Variants in CD180 observed in about 807,000 individuals in gnomAD.
The protein encoded by CD180 is CD180 molecule.
A neutral mutation model predicts 10.7 loss-of-function variants in CD180; 11 were observed. The observed-to-expected ratio is 1.03, with a 90% CI of 0.65 to 1.70. The LOEUF (loss-of-function observed/expected upper bound fraction) is 1.70, where lower values mean the gene tolerates loss of function less well. Among genes scored for constraint, CD180 ranks in the 40% most tolerant of loss-of-function variants. The pLI, the probability that CD180 is intolerant of heterozygous loss-of-function variation, is 0.00. For synonymous variants in CD180, 286 were observed against 294.6 expected, an observed-to-expected ratio of 0.97 and a Z score of 0.30; for missense variants, 729 against 775.2, an observed-to-expected ratio of 0.94 and a Z score of 0.71.
rs754130232 is a variant in CD180 at position 67,185,955 on chromosome 5, T to G, written c.153A>C (p.Leu51=). The G allele has an allele frequency of 6.2e-7, 1 of 1,611,666 alleles. No homozygotes were observed. Among genetic ancestry groups the G allele is most frequent in the East Asian group, 2.2e-5 (1 of 44,734 alleles). Residue 51 remains leucine (L), a synonymous_variant, in exon 2 of 3, where the codon CTA becomes CTC. Transcript: ENST00000256447. ...ATTCCAAAAATTCTGTTGTGTTTGG[T>G]AGAGTGTCAGGGATTTCACTGAGAC... ...NLGLSEIPDT[L]PNTTEFLEFS... is the part of the protein sequence containing the mutation.
At chr5:67,192,710 C>A (rs1176492792) in intron 1 of CD180, among the ~76,000 whole-genome samples, 5 of 152,108 alleles carry the variant, frequency 3.3e-5, no homozygotes, top group African/African-American at 9.7e-5. Context: ...CGCCTCCCAC[C>A]AGGCCCTACC....
At position 67,184,222 on chromosome 5, in the gene CD180, A is replaced by G. The variant is rs1742132768; in HGVS notation, c.621T>C (p.Asn207=). The G allele has an allele frequency of 6.2e-7, 1 of 1,614,048 alleles. No homozygotes were observed. The highest frequency in any genetic ancestry group is 1.1e-5 in the South Asian group (1 of 91,088). ...GCTCAATACCTTTAACATTATTGCC[A>G]TTGAAGTTCAGGCTTAGGTTGATGG... ...EQAINLSLNF[N]GNNVKGIELG... Residue 207 remains asparagine, a synonymous_variant, in exon 3 of 3, where the codon AAT becomes AAC. Transcript: ENST00000256447.
intron 1 of CD180, among the ~76,000 whole-genome samples, chr5:67,193,994 C>T (rs1456951814): frequency 1.3e-5 from 2 of 152,186 alleles, no homozygotes; most frequent in African/African-American, 4.8e-5. Flanking sequence ...ACCCACTTGT[C>T]ATGCCTCCCA....
In CD180 at chr5:67,184,051, A is replaced by G. The variant is rs202242410; in HGVS notation, c.792T>C (p.Ser264=). 22 of 1,614,200 alleles carry G rather than the reference A, an allele frequency of 1.4e-5. No individual in the cohort carries two copies. In the Admixed American group the frequency reaches 3.5e-4, roughly 26 times the overall value. ...CACAGAGTCCCTTGAGCATGGCTGA[A>G]CTAATATCTTCGTCATCAATGTCCT... ...TFEDIDDEDI[S]SAMLKGLCEM... The change falls in exon 3 of 3, where the codon AGT becomes AGC. Residue 264 remains serine (S), a synonymous_variant. Coordinates refer to ENST00000256447, the MANE Select transcript of CD180 (RefSeq NM_005582.3).
In CD180 at chr5:67,184,135, A is replaced by C. The variant is rs372806029; in HGVS notation, c.708T>G (p.Ser236=). Residue 236 remains serine, a synonymous_variant, in exon 3 of 3, where the codon TCT becomes TCG. Coordinates refer to ENST00000256447, the MANE Select transcript of CD180 (RefSeq NM_005582.3). ...AGTTCTGCAGACCATTGAATATAACAGACAAATTTGGAGTTCCTCCAAAGT... is the reference window on the plus strand; with the variant it reads ...AGTTCTGCAGACCATTGAATATAACCGACAAATTTGGAGTTCCTCCAAAGT... ...SLNFGGTPNL[S]VIFNGLQNST... is the part of the protein sequence containing the mutation. 58 of 1,614,056 alleles carry C rather than the reference A, an allele frequency of 3.6e-5. No homozygotes were observed. Among genetic ancestry groups the C allele is most frequent in the Non-Finnish European group, 4.7e-5 (55 of 1,180,016 alleles).
At chr5:67,184,622 G>GA (rs745812697) in intron 2 of CD180, 37 bp from the exon 3 acceptor site, 15 of 1,514,778 alleles carry the variant, frequency 9.9e-6, no homozygotes, top group Non-Finnish European at 1.3e-5. Context: ...TAATTCATTT[G>GA]AAAAAAGTAA....
intron 1 of CD180, among the ~76,000 whole-genome samples, chr5:67,191,292 A>C (rs1055537476): frequency 2.0e-5 from 3 of 152,206 alleles, no homozygotes; most frequent in South Asian, 4.1e-4. Context: ...ATGTAGATTG[A>C]AGTTAGGAAC....
chr5:67,189,652 T>C (rs899976738), intron 1 of CD180, among the ~76,000 whole-genome samples: 1 of 152,170 alleles, frequency 6.6e-6, no homozygotes, highest in African/African-American at 2.4e-5. Context: ...ATAATCACAA[T>C]TGTATCATCA....
In CD180 at chr5:67,183,428, C is replaced by T. The variant is rs145898895; in HGVS notation, c.1415G>A (p.Arg472Gln). 315 of 1,613,970 alleles carry T rather than the reference C, an allele frequency of 2.0e-4. No homozygotes were observed. In the African/African-American group the frequency reaches 2.2e-3, roughly 11 times the overall value. The change falls in exon 3 of 3, where the codon CGG becomes CAG. Residue 472 changes from arginine (R) to glutamine (Q), a missense_variant. By Grantham distance (43) the Arg-to-Gln change is conservative. Coordinates refer to ENST00000256447, the MANE Select transcript of CD180 (RefSeq NM_005582.3). ...GTGATTCCCTTTTAAGTTGAGATGC[C>T]GGAGAACTGGTAGGCCTGCTAGAAG... ...QHLLAGLPVL[R>Q]HLNLKGNHFQ...
intron 1 of CD180, 34 bp from the exon 2 acceptor site, chr5:67,186,051 CTT>C (rs1581825792): frequency 7.3e-7 from 1 of 1,371,294 alleles, no homozygotes; most frequent in Non-Finnish European, 9.9e-7. Flanking sequence ...TAATATTAGA[CTT>C]AATAATTTTA....
At chr5:67,189,266 C>T (rs1309440739) in intron 1 of CD180, among the ~76,000 whole-genome samples, 1 of 152,180 alleles carries the variant, frequency 6.6e-6, no homozygotes, top group Non-Finnish European at 1.5e-5. Flanking sequence ...CTTTTGTGTG[C>T]TTTACTAAGC....
Position 67,182,172 on chromosome 5 carries a change from G to C in CD180, c.*685C>G, listed in dbSNP as rs764777524. On this transcript the variant is annotated 3_prime_UTR_variant, in exon 3 of 3. Transcript: ENST00000256447. ...AATGTGGAAGAAATTCTAAACCTTG[G>C]GGGTGGGTTCTATTTTTTATAGCCA... 12 of 152,130 alleles carry C rather than the reference G, an allele frequency of 7.9e-5. No homozygotes were observed. The South Asian group carries it at 8.3e-4, about 11-fold the overall frequency. The allele number at this position is 152,130 out of a possible 1,614,324, so 9.4% of individuals were successfully genotyped here.
rs1321730833 is a variant in CD180, at chr5:67,180,283, C to T, written c.*2574G>A. Reference sequence around the variant, plus strand: ...TTTTCTACAGAATTGTTTCGTTTTTCCAAGTTACATATTAAATATTATGGA... The same window carrying T: ...TTTTCTACAGAATTGTTTCGTTTTTTCAAGTTACATATTAAATATTATGGA... On this transcript the variant is annotated 3_prime_UTR_variant, in exon 3 of 3. Coordinates refer to ENST00000256447, the MANE Select transcript of CD180 (RefSeq NM_005582.3). 1.3e-5 allele frequency: 2 copies of T among 152,210 alleles called. No individual in the cohort carries two copies. Among genetic ancestry groups the T allele is most frequent in the Non-Finnish European group, 2.9e-5 (2 of 68,040 alleles). 9.4% of individuals were successfully genotyped at this position (152,210 alleles called of 1,614,324 possible). A position where few individuals can be genotyped will look rare whatever the true frequency, so the allele number is the denominator to read the frequency against.
chr5:67,186,180 G>C (rs1005544479), intron 1 of CD180, 163 bp from the exon 2 acceptor site: 30 of 445,796 alleles, frequency 6.7e-5, no homozygotes, highest in African/African-American at 5.9e-4. Context: ...ATTGTTAACT[G>C]TAGTACTTTT....
intron 1 of CD180, 53 bp downstream of exon 1, chr5:67,196,499 C>G (rs1175188926): frequency 1.9e-6 from 3 of 1,592,934 alleles, no homozygotes; most frequent in African/African-American, 2.7e-5. Flanking sequence ...CGTGCTAAAT[C>G]TCAAAATTTT....
chr5:67,185,500 A>C (rs1453748269), intron 2 of CD180, among the ~76,000 whole-genome samples: 1 of 152,164 alleles, frequency 6.6e-6, no homozygotes, highest in African/African-American at 2.4e-5. Context: ...TTCTCCTAGA[A>C]ATTTTTCTTA....
intron 1 of CD180, chr5:67,186,233 A>G: frequency 3.0e-6 from 1 of 330,010 alleles, no homozygotes; most frequent in Non-Finnish European, 5.4e-6. Flanking sequence ...ATTCATCAAT[A>G]TAGGACTACT....
intron 1 of CD180, among the ~76,000 whole-genome samples, chr5:67,191,482 T>C (rs1344153843): frequency 6.6e-6 from 1 of 152,118 alleles, no homozygotes; most frequent in Non-Finnish European, 1.5e-5. Context: ...CCAGTCCCCA[T>C]CCCACACCTA....
chr5:67,186,755 A>T (rs1248435176), intron 1 of CD180, among the ~76,000 whole-genome samples: 2 of 152,134 alleles, frequency 1.3e-5, no homozygotes, highest in Non-Finnish European at 2.9e-5. Context: ...ATTAAACTTT[A>T]AACTCATCAA....
Sources: gnomAD v4.1 joint callset for allele counts (sites outside exome capture counted in the v4.1 genomes callset) on GRCh38, gnomAD v4.1.1 for gene constraint, MANE v1.5 for transcripts, NCBI Gene and HGNC (gene_info 2026-07-23, HGNC 2026-07-21) for gene names.